The following LZTS1 variants were observed in gnomAD, a reference collection of about 807,000 sequenced individuals.
LZTS1 encodes the protein leucine zipper tumor suppressor 1, also known as leucine zipper putative tumor suppressor 1.
A neutral mutation model predicts 45.8 loss-of-function variants in LZTS1; 31 were observed. That is an observed-to-expected ratio of 0.68 (90% CI 0.51 to 0.91). The LOEUF (loss-of-function observed/expected upper bound fraction) is 0.91, where lower values mean the gene tolerates loss of function less well. Among genes scored for constraint, LZTS1 ranks in the 40% least tolerant of loss-of-function variants. The pLI is 0.00. For synonymous variants in LZTS1, 359 were observed against 357.3 expected (o/e 1.00, Z -0.05); for missense variants, 821 against 788.9 (o/e 1.04, Z -0.49).
At chr8:20,300,668 A>C (rs865814949) in intron 1 of LZTS1, among the ~76,000 whole-genome samples, 1 of 152,158 alleles carries the variant, frequency 6.6e-6, no homozygotes, top group African/African-American at 2.4e-5. Context: ...CTCATGATGC[A>C]ATCTCTGCTT....
intron 1 of LZTS1, among the ~76,000 whole-genome samples, chr8:20,274,642 G>A (rs545370972): frequency 2.4e-4 from 37 of 152,236 alleles, no homozygotes; most frequent in South Asian, 8.3e-4. Flanking sequence ...GTGTACCAGC[G>A]TCAACACTCC....
At chr8:20,267,750 C>T (rs1362034098) in intron 1 of LZTS1, among the ~76,000 whole-genome samples, 1 of 152,136 alleles carries the variant, frequency 6.6e-6, no homozygotes, top group Non-Finnish European at 1.5e-5. Flanking sequence ...CTCTTGACCT[C>T]ATGATCCACC....
chr8:20,252,620 TG>T (rs1799957857), intron 3 of LZTS1, among the ~76,000 whole-genome samples, 161 bp downstream of exon 3: 1 of 152,148 alleles, frequency 6.6e-6, no homozygotes, highest in Non-Finnish European at 1.5e-5. Context: ...TCCCCCAACA[TG>T]GTTTGCAGGG....
chr8:20,290,022 G>T (rs931896763), intron 1 of LZTS1: 1 of 152,152 alleles, frequency 6.6e-6, no homozygotes, highest in Non-Finnish European at 1.5e-5. Flanking sequence ...AGCACTCCTG[G>T]TCCTAGAACC....
intron 1 of LZTS1, among the ~76,000 whole-genome samples, chr8:20,283,865 G>A (rs1761926146): frequency 6.6e-6 from 1 of 152,146 alleles, no homozygotes; most frequent in Admixed American, 6.5e-5. Context: ...CATCCTGCCT[G>A]CCCAAATCCA....
At chr8:20,257,473 T>G (rs532928030) in intron 1 of LZTS1, among the ~76,000 whole-genome samples, 1 of 152,152 alleles carries the variant, frequency 6.6e-6, no homozygotes, top group East Asian at 1.9e-4. Flanking sequence ...TTTGGAGGAA[T>G]GGTGGAAGGA....
intron 1 of LZTS1, among the ~76,000 whole-genome samples, chr8:20,259,830 C>T (rs1214258523): frequency 6.6e-6 from 1 of 151,794 alleles, no homozygotes; most frequent in Non-Finnish European, 1.5e-5. Flanking sequence ...TCCCCGATTA[C>T]TTTCTACCAA....
intron 1 of LZTS1, among the ~76,000 whole-genome samples, chr8:20,286,315 A>T (rs1014387565): frequency 6.6e-6 from 1 of 152,248 alleles, no homozygotes; most frequent in Non-Finnish European, 1.5e-5. Context: ...AACCAAATTT[A>T]AAATGAGCAA....
chr8:20,254,831 G>C lies in LZTS1; in HGVS notation c.345+6C>G. On this transcript the variant is annotated splice_donor_region_variant and intron_variant, in intron 2 of 3. Coordinates refer to ENST00000381569, the MANE Select transcript of LZTS1 (RefSeq NM_021020.5). Reference sequence around the variant, plus strand: ...CCACTTACCCTTGCCAGCGACCCCCGCTTACCATTTCTAGCTGATTGGAGA... The same window carrying C: ...CCACTTACCCTTGCCAGCGACCCCCCCTTACCATTTCTAGCTGATTGGAGA... 2.5e-6 allele frequency: 4 copies of C among 1,598,006 alleles called. No homozygotes were observed. The highest frequency in any genetic ancestry group is 3.4e-6 in the Non-Finnish European group (4 of 1,170,162).
rs563613652 is a variant in LZTS1, at chr8:20,269,170, C to A, written c.-134-13855G>T. 9.6e-4 allele frequency among the ~76,000 whole-genome samples: 146 copies of A among 152,194 alleles called. 2 individuals are homozygous for A. Among genetic ancestry groups the A allele is most frequent in the Non-Finnish European group, 1.7e-3 (114 of 68,040 alleles). On this transcript the variant is annotated intron_variant, in intron 1 of 3. Transcript: ENST00000381569. ...GCTGTTTGTGCTGCGGCTGGTCCCACGTGAGAGAGCAGAAGGCAGGCTCAT... is the reference window on the plus strand; with the variant it reads ...GCTGTTTGTGCTGCGGCTGGTCCCAAGTGAGAGAGCAGAAGGCAGGCTCAT...
rs376509568 is a variant in LZTS1, at chr8:20,252,934, G to A, written c.997C>T (p.Leu333=). Reference sequence around the variant, plus strand: ...TCCTGCTGAAGCTGCAGTACCTGCAGGTGCAGGACCTGCTGCGCGCGCTGG... The same window carrying A: ...TCCTGCTGAAGCTGCAGTACCTGCAAGTGCAGGACCTGCTGCGCGCGCTGG... ...KSQRAQQVLH[L]QVLQLQQEKR... The change falls in exon 3 of 4, where the codon CTG becomes TTG. Residue 333 remains leucine (L), a synonymous_variant. Coordinates refer to ENST00000381569, the MANE Select transcript of LZTS1 (RefSeq NM_021020.5). 10 of 1,604,868 alleles carry A rather than the reference G, an allele frequency of 6.2e-6. No homozygotes were observed. In the African/African-American group the frequency reaches 1.3e-4, roughly 22 times the overall value.
intron 1 of LZTS1, among the ~76,000 whole-genome samples, chr8:20,293,637 C>G (rs1450105398): frequency 6.6e-6 from 1 of 152,172 alleles, no homozygotes. Context: ...AAGGATGGAG[C>G]TGAAATAGAA....
intron 2 of LZTS1, 126 bp downstream of exon 2, chr8:20,254,711 C>T (rs981267384): frequency 2.1e-5 from 16 of 761,532 alleles, no homozygotes; most frequent in African/African-American, 1.8e-4. Flanking sequence ...GCACCCCTGC[C>T]GCTCTGGTTT....
At chr8:20,302,655 ACTCAGTGCCTC>A (rs1801101193) in intron 1 of LZTS1, among the ~76,000 whole-genome samples, 1 of 152,166 alleles carries the variant, frequency 6.6e-6, no homozygotes, top group Non-Finnish European at 1.5e-5. Flanking sequence ...ATGGTCCAGA[ACTCAGTGCCTC>A]CTCAGTACTT....
chr8:20,250,333 G>T lies in LZTS1; in HGVS notation c.1180C>A (p.Leu394Met). 1 of 1,609,080 alleles carries T rather than the reference G, an allele frequency of 6.2e-7. No homozygotes were observed. Among genetic ancestry groups the T allele is most frequent in the Non-Finnish European group, 8.5e-7 (1 of 1,176,788 alleles). ...TGGGACTCCTTCAGCTGCTGCTTCA[G>T]GAGGGAGATCTCGCCTGACTTCTGG... is the stretch of plus-strand genomic sequence containing the variant. ...VCQKSGEISL[L>M]KQQLKESQTE... The change falls in exon 4 of 4, where the codon CTG becomes ATG. Residue 394 changes from leucine (L) to methionine (M), a missense_variant. By Grantham distance (15) the Leu-to-Met change is conservative. Coordinates refer to ENST00000381569, the MANE Select transcript of LZTS1 (RefSeq NM_021020.5).
At position 20,248,363 on chromosome 8, in the gene LZTS1, T is replaced by G. The variant is rs1479043717; in HGVS notation, c.*1359A>C. The G allele has an allele frequency of 3.9e-5, 6 of 152,324 alleles. No individual in the cohort carries two copies. Among genetic ancestry groups the G allele is most frequent in the African/African-American group, 1.4e-4 (6 of 41,516 alleles). 9.4% of individuals were successfully genotyped at this position (152,324 alleles called of 1,614,324 possible). A position where few individuals can be genotyped will look rare whatever the true frequency, so the allele number is the denominator to read the frequency against. ...TCCCTGAACCAAACAACAGAGAAACTCCACCTTTTATCTCTCTCTACCACC... is the reference window on the plus strand; with the variant it reads ...TCCCTGAACCAAACAACAGAGAAACGCCACCTTTTATCTCTCTCTACCACC... On this transcript the variant is annotated 3_prime_UTR_variant, in exon 4 of 4. Transcript: ENST00000381569.
intron 1 of LZTS1, among the ~76,000 whole-genome samples, chr8:20,262,568 G>A (rs112896264): frequency 9.9e-5 from 15 of 150,932 alleles, no homozygotes; most frequent in African/African-American, 3.2e-4. Flanking sequence ...TGATAAAGTG[G>A]TTTTGTAAAA....
intron 1 of LZTS1, among the ~76,000 whole-genome samples, chr8:20,265,994 C>T (rs1800346081): frequency 6.6e-6 from 1 of 151,908 alleles, no homozygotes; most frequent in African/African-American, 2.4e-5. Flanking sequence ...GGGTCAAACA[C>T]AGTACTAAGA....
chr8:20,290,064 C>G (rs1800873478), intron 1 of LZTS1: 1 of 152,252 alleles, frequency 6.6e-6, no homozygotes, highest in South Asian at 2.1e-4. Context: ...ACACAAGTAA[C>G]AAACTCAGCA....
Sources: gnomAD v4.1 joint callset for allele counts (sites outside exome capture counted in the v4.1 genomes callset) on GRCh38, gnomAD v4.1.1 for gene constraint, MANE v1.5 for transcripts, NCBI Gene and HGNC (gene_info 2026-07-23, HGNC 2026-07-21) for gene names.